ARHGAP21: variants seen among roughly 807,000 people sequenced by gnomAD.
The protein encoded by ARHGAP21 is Rho GTPase activating protein 21, also known as rho GTPase-activating protein 21.
A neutral mutation model predicts 164.6 loss-of-function variants in ARHGAP21; 38 were observed. The observed-to-expected ratio is 0.23, with a 90% CI of 0.18 to 0.30. ARHGAP21 has a LOEUF of 0.30. ARHGAP21 is among the 10% of genes least tolerant of loss of function. ARHGAP21 has a pLI of 1.00. For missense variants in ARHGAP21, 1,822 were observed against 2,370.7 expected (o/e 0.77, Z 4.81); for synonymous variants, 766 against 857.9 (o/e 0.89, Z 1.87).
intron 2 of ARHGAP21, among the ~76,000 whole-genome samples, chr10:24,682,849 G>A (rs1841900840): frequency 1.3e-5 from 2 of 151,994 alleles, no homozygotes; most frequent in African/African-American, 2.4e-5. Flanking sequence ...TGTAATCCCA[G>A]CACTTTGAGG....
intron 2 of ARHGAP21, among the ~76,000 whole-genome samples, chr10:24,710,806 TAAGA>T (rs777363348): frequency 6.6e-6 from 1 of 152,152 alleles, no homozygotes; most frequent in East Asian, 1.9e-4. Flanking sequence ...TCAATCTCAG[TAAGA>T]AAGTAGCTGG....
In ARHGAP21 at chr10:24,644,980, C is replaced by A. The variant is rs79156983; in HGVS notation, c.269-9877G>T. Among the ~76,000 whole-genome samples the A allele has an allele frequency of 5.5e-4, 84 of 152,292 alleles. No individual in the cohort carries two copies. In the East Asian group the frequency reaches 0.013, roughly 24 times the overall value. ...AATGCAACTTATCCCAAATTAAACT[C>A]ATTTCTCCAGAGGAAGGAGAGATAT... is the stretch of plus-strand genomic sequence containing the variant. On this transcript the variant is annotated intron_variant, in intron 4 of 25. Transcript: ENST00000396432.
At chr10:24,595,665 C>CAATT in intron 19 of ARHGAP21, 52 bp downstream of exon 19, 1 of 1,535,996 alleles carries the variant, frequency 6.5e-7, no homozygotes, top group East Asian at 2.3e-5. Flanking sequence ...TATGGTTTTC[C>CAATT]AATTGTAACT....
At chr10:24,685,086 G>GT (rs1842097852) in intron 2 of ARHGAP21, among the ~76,000 whole-genome samples, 2 of 152,164 alleles carry the variant, frequency 1.3e-5, no homozygotes, top group African/African-American at 4.8e-5. Context: ...AGGGGTTGCA[G>GT]TATAAAAATG....
chr10:24,597,251 T>G (rs1385747198), intron 16 of ARHGAP21, among the ~76,000 whole-genome samples, 196 bp downstream of exon 16: 1 of 152,196 alleles, frequency 6.6e-6, no homozygotes, highest in Non-Finnish European at 1.5e-5. Flanking sequence ...TTCCCTCACT[T>G]TCGCTTTATA....
At chr10:24,648,779 C>A (rs374561017) in intron 4 of ARHGAP21, 141 of 787,692 alleles carry the variant, frequency 1.8e-4, no homozygotes, top group Admixed American at 1.1e-3. Context: ...AACTCTGTCT[C>A]AAAAAAAAAA....
rs757651980 is a variant in ARHGAP21, at chr10:24,620,449, C to T, written c.1446G>A (p.Thr482=). The T allele has an allele frequency of 9.9e-6, 16 of 1,608,642 alleles. No individual in the cohort carries two copies. In the Admixed American group the frequency reaches 1.0e-4, roughly 10 times the overall value. The change falls in exon 9 of 26, where the codon ACG becomes ACA. Residue 482 remains threonine (T), a synonymous_variant. Coordinates refer to ENST00000396432, the MANE Select transcript of ARHGAP21 (RefSeq NM_020824.4). ...CPRSASQGAL[T]SPSVSFSNHR... ...GATTACTAAAACTAACAGATGGAGA[C>T]GTCAGTGCTCCTTGAGATGCACTTC...
chr10:24,591,006 C>T (rs1032921031), intron 24 of ARHGAP21: 2 of 789,354 alleles, frequency 2.5e-6, no homozygotes, highest in Non-Finnish European at 3.1e-6. Context: ...TAGTTCCATT[C>T]TGACAAACAT....
chr10:24,680,616 A>G (rs1330918092), intron 2 of ARHGAP21, among the ~76,000 whole-genome samples: 1 of 152,156 alleles, frequency 6.6e-6, no homozygotes, highest in Non-Finnish European at 1.5e-5. Flanking sequence ...ACCCACCCAG[A>G]ACATAACACT....
At chr10:24,674,511 A>T (rs1171843161) in intron 2 of ARHGAP21, among the ~76,000 whole-genome samples, 2 of 151,918 alleles carry the variant, frequency 1.3e-5, no homozygotes, top group African/African-American at 4.8e-5. Context: ...ACAGAGCCAG[A>T]CTCTGTCTCA....
At chr10:24,668,987 G>A (rs1056522336) in intron 3 of ARHGAP21, among the ~76,000 whole-genome samples, 2 of 152,076 alleles carry the variant, frequency 1.3e-5, no homozygotes, top group African/African-American at 4.8e-5. Flanking sequence ...GACCTAATGC[G>A]TAAGTAACAC....
intron 7 of ARHGAP21, among the ~76,000 whole-genome samples, chr10:24,623,477 T>C (rs899388359): frequency 2.0e-5 from 3 of 152,202 alleles, no homozygotes; most frequent in Non-Finnish European, 4.4e-5. Context: ...AAATAAAATA[T>C]GTCTACATAG....
intron 2 of ARHGAP21, among the ~76,000 whole-genome samples, chr10:24,707,882 T>C (rs1191816856): frequency 6.6e-6 from 1 of 152,202 alleles, no homozygotes; most frequent in African/African-American, 2.4e-5. Context: ...CTCTGGAATC[T>C]TGTCTGTTCA....
intron 2 of ARHGAP21, among the ~76,000 whole-genome samples, chr10:24,704,457 A>G (rs1376302259): frequency 1.9e-5 from 1 of 53,696 alleles, no homozygotes; most frequent in Non-Finnish European, 3.2e-5. Context: ...TGCCTGACTT[A>G]TTTTTCTATT....
At chr10:24,710,965 G>C (rs1485120919) in intron 2 of ARHGAP21, among the ~76,000 whole-genome samples, 1 of 151,740 alleles carries the variant, frequency 6.6e-6, no homozygotes, top group East Asian at 1.9e-4. Context: ...ATGGTGGAGG[G>C]TGCCTGTAGT....
intron 9 of ARHGAP21, among the ~76,000 whole-genome samples, chr10:24,616,692 T>C (rs1475461563): frequency 6.6e-6 from 1 of 152,154 alleles, no homozygotes; most frequent in African/African-American, 2.4e-5. Flanking sequence ...CATTTTTGTA[T>C]TACTAGTAAT....
intron 4 of ARHGAP21, among the ~76,000 whole-genome samples, chr10:24,666,602 CTT>C (rs747037638): frequency 2.7e-4 from 41 of 152,294 alleles, no homozygotes; most frequent in Middle Eastern, 3.4e-3. Flanking sequence ...CCCAAACCCT[CTT>C]CTTTTCAATA....
intron 4 of ARHGAP21, among the ~76,000 whole-genome samples, chr10:24,661,011 T>C (rs1839635449): frequency 6.6e-6 from 1 of 152,082 alleles, no homozygotes; most frequent in South Asian, 2.1e-4. Context: ...ATCTGACCAG[T>C]CCCAGCTGCC....
intron 4 of ARHGAP21, among the ~76,000 whole-genome samples, chr10:24,664,778 C>T (rs1276380739): frequency 6.6e-6 from 1 of 151,958 alleles, no homozygotes; most frequent in Non-Finnish European, 1.5e-5. Flanking sequence ...GTTATCTTCT[C>T]CAGCAGATTA....
Sources: gnomAD v4.1 joint callset for allele counts (sites outside exome capture counted in the v4.1 genomes callset) on GRCh38, gnomAD v4.1.1 for gene constraint, MANE v1.5 for transcripts, NCBI Gene and HGNC (gene_info 2026-07-23, HGNC 2026-07-21) for gene names.